TRHDE: variants seen among roughly 807,000 people sequenced by gnomAD.
TRHDE encodes thyrotropin-releasing hormone-degrading ectoenzyme.
In TRHDE, 72 loss-of-function variants were observed where a neutral mutation model predicts 125.7. That is an observed-to-expected ratio of 0.57 (90% CI 0.47 to 0.70). The LOEUF is 0.70. TRHDE is among the 30% of genes least tolerant of loss of function. TRHDE has a pLI of 0.00. For missense variants in TRHDE, 1,110 were observed against 1,327.1 expected (o/e 0.84, Z 2.54); for synonymous variants, 509 against 509.1 (o/e 1.00, Z 0.00).
At chr12:72,616,006 C>G (rs1872797868) in intron 12 of TRHDE, among the ~76,000 whole-genome samples, 1 of 152,090 alleles carries the variant, frequency 6.6e-6, no homozygotes, top group Non-Finnish European at 1.5e-5. Context: ...GTCTCATGAC[C>G]ACACCTAAGT....
At chr12:72,266,190 T>C (rs1245110502) in intron 2 of TRHDE, among the ~76,000 whole-genome samples, 2 of 152,122 alleles carry the variant, frequency 1.3e-5, no homozygotes, top group Middle Eastern at 3.4e-3. Context: ...AGAAGATACA[T>C]GTGGATGAAA....
At chr12:72,253,529 T>A (rs1034846355) in intron 2 of TRHDE, 8 of 152,100 alleles carry the variant, frequency 5.3e-5, no homozygotes, top group African/African-American at 1.9e-4. Context: ...ATGAACTTTA[T>A]TTTTTACAGC....
rs189788650 is a variant in TRHDE, at chr12:72,371,689, G to A, written c.1189-6306G>A. On this transcript the variant is annotated intron_variant, in intron 2 of 18. Transcript: ENST00000261180. ...AGTTTACTGAGAATGATGATTTCCA[G>A]TTTCATCCATGTCCCTACAAAGGAC... 9.7e-3 allele frequency among the ~76,000 whole-genome samples: 1,474 copies of A among 151,958 alleles called. 28 individuals carry two copies. The highest frequency in any genetic ancestry group is 0.031 in the Middle Eastern group (9 of 294).
Position 72,273,125 on chromosome 12 carries a change from G to T in TRHDE, c.482G>T (p.Ser161Ile). The T allele has an allele frequency of 6.5e-7, 1 of 1,541,944 alleles. No individual in the cohort carries two copies. The highest frequency in any genetic ancestry group is 8.7e-7 in the Non-Finnish European group (1 of 1,144,138). ...CAGCCCGAGGCGGGTGGGGTGGCCA[G>T]TCCGGGGACCACGTCGGCCCAGCCG... Reference protein sequence around the residue: ...SWQPEAGGVASPGTTSAQPPS... With the variant: ...SWQPEAGGVAIPGTTSAQPPS... Residue 161 changes from serine to isoleucine, a missense_variant, in exon 1 of 19, where the codon AGT becomes ATT. Physicochemically the swap from Ser to Ile is moderately radical, Grantham distance 142. This residue lies in a region of TRHDE where 248 missense variants were observed against 240.8 expected (regional missense o/e 1.03). Coordinates refer to ENST00000261180, the MANE Select transcript of TRHDE (RefSeq NM_013381.3). This position sits in a 1 kb window ranked among gnomAD's most constrained non-coding sequence, Gnocchi z 5.3.
Position 72,264,903 on chromosome 12 carries a change from T to G in TRHDE, n.280-113092T>G, listed in dbSNP as rs577119792. On this transcript the variant is annotated intron_variant and non_coding_transcript_variant, in intron 2 of 4. Transcript: ENST00000548156. ...CTCAAAACAGTTATCTTTAGGTTCA[T>G]TGTTTTTTTTTTTAATAGAGACTGT... Among the ~76,000 whole-genome samples the G allele has an allele frequency of 1.4e-4, 20 of 142,814 alleles. No individual in the cohort carries two copies. In the South Asian group the frequency reaches 3.3e-3, roughly 24 times the overall value. 93.7% of individuals were successfully genotyped at this position (142,814 alleles called of 152,430 possible). A position where few individuals can be genotyped will look rare whatever the true frequency, so the allele number is the denominator to read the frequency against.
chr12:72,415,188 T>C (rs752518051), intron 3 of TRHDE, among the ~76,000 whole-genome samples: 3 of 152,132 alleles, frequency 2.0e-5, no homozygotes, highest in Non-Finnish European at 4.4e-5. Flanking sequence ...CTGCTGCAGT[T>C]CATTAATGTA....
chr12:72,591,104 T>G (rs1871657829), intron 12 of TRHDE, among the ~76,000 whole-genome samples: 2 of 152,190 alleles, frequency 1.3e-5, no homozygotes, highest in African/African-American at 4.8e-5. Context: ...GCAGGGAAGC[T>G]GCTCTTTTTA....
At chr12:72,254,789 A>C (rs933057706) in intron 2 of TRHDE, 2 of 152,196 alleles carry the variant, frequency 1.3e-5, no homozygotes, top group Admixed American at 1.3e-4. Flanking sequence ...TTATAGGACA[A>C]GATTCCAACA....
intron 2 of TRHDE, among the ~76,000 whole-genome samples, chr12:72,377,452 T>C (rs1304157993): frequency 2.0e-5 from 3 of 152,156 alleles, no homozygotes; most frequent in East Asian, 3.9e-4. Flanking sequence ...GAATGGTGAT[T>C]GCTTGTGTAC....
At chr12:72,226,883 T>G (rs1451252735) in intron 2 of TRHDE, among the ~76,000 whole-genome samples, 2 of 152,186 alleles carry the variant, frequency 1.3e-5, no homozygotes, top group Non-Finnish European at 2.9e-5. Flanking sequence ...GTACCTAAGA[T>G]TAATGATAAC....
intron 2 of TRHDE, among the ~76,000 whole-genome samples, chr12:72,121,280 C>T (rs1342431716): frequency 6.6e-6 from 1 of 152,104 alleles, no homozygotes; most frequent in Non-Finnish European, 1.5e-5. Flanking sequence ...AGTACAGCAC[C>T]AAGACTTGTA....
At chr12:72,481,023 A>G (rs1877143707) in intron 5 of TRHDE, among the ~76,000 whole-genome samples, 1 of 152,114 alleles carries the variant, frequency 6.6e-6, no homozygotes, top group Non-Finnish European at 1.5e-5. Flanking sequence ...CCCAGGTAAA[A>G]TGAATTTGCC....
At chr12:72,466,928 T>C (rs1876404605) in intron 3 of TRHDE, among the ~76,000 whole-genome samples, 1 of 152,168 alleles carries the variant, frequency 6.6e-6, no homozygotes, top group South Asian at 2.1e-4. Context: ...CTGCACACGC[T>C]CACATATGCA....
At chr12:72,379,219 T>C (rs904999668) in intron 3 of TRHDE, among the ~76,000 whole-genome samples, 2 of 152,230 alleles carry the variant, frequency 1.3e-5, no homozygotes, top group African/African-American at 4.8e-5. Context: ...GTTCAGAAAG[T>C]TGACAGAATA....
At chr12:72,205,060 G>C (rs1877636322) in intron 2 of TRHDE, among the ~76,000 whole-genome samples, 1 of 152,204 alleles carries the variant, frequency 6.6e-6, no homozygotes, top group Non-Finnish European at 1.5e-5. Context: ...TGGAAAAGAT[G>C]TTATTGTCCT....
At chr12:72,240,863 C>T (rs1317380144) in intron 2 of TRHDE, among the ~76,000 whole-genome samples, 3 of 152,102 alleles carry the variant, frequency 2.0e-5, no homozygotes, top group Admixed American at 2.0e-4. Flanking sequence ...TGAGCCACCG[C>T]GCCTGGCCTC....
intron 5 of TRHDE, among the ~76,000 whole-genome samples, chr12:72,496,527 C>T (rs1266919368): frequency 1.3e-5 from 2 of 152,064 alleles, no homozygotes; most frequent in Admixed American, 6.6e-5. Flanking sequence ...GGAAATAGCC[C>T]CCATGATTCA....
chr12:72,348,732 T>C (rs1870446434), intron 2 of TRHDE, among the ~76,000 whole-genome samples: 1 of 152,072 alleles, frequency 6.6e-6, no homozygotes, highest in South Asian at 2.1e-4. Context: ...CTCCAATCTA[T>C]AGGCATTCTT....
chr12:72,415,513 C>T (rs897210993), intron 3 of TRHDE, among the ~76,000 whole-genome samples: 8 of 151,820 alleles, frequency 5.3e-5, no homozygotes, highest in Non-Finnish European at 7.4e-5. Flanking sequence ...TTAAACATCT[C>T]CTCTTCCTCC....
Sources: allele counts gnomAD v4.1 joint callset (sites outside exome capture counted in the v4.1 genomes callset), GRCh38; gene constraint gnomAD v4.1.1; regional missense constraint gnomAD v4.1.1; non-coding constraint Gnocchi (gnomAD v3.1); transcripts MANE v1.5; gene names NCBI Gene and HGNC (gene_info 2026-07-23, HGNC 2026-07-21).